OTUD7B: variants seen among roughly 807,000 people sequenced by gnomAD.
OTUD7B encodes OTU domain-containing protein 7B.
Under a neutral mutation model 82.2 loss-of-function variants are expected in OTUD7B, and 34 were observed. That is an observed-to-expected ratio of 0.41 (90% CI 0.31 to 0.55). The LOEUF is 0.55. OTUD7B is among the 20% of genes least tolerant of loss of function. The pLI is 0.20. For synonymous variants in OTUD7B, 398 were observed against 402.7 expected (o/e 0.99, Z 0.14); for missense variants, 944 against 1,062.1 (o/e 0.89, Z 1.55).
the OTUD7B span, among the ~76,000 whole-genome samples, chr1:150,055,608 G>A: frequency 6.6e-5 from 10 of 152,074 alleles, no homozygotes; most frequent in Non-Finnish European, 1.2e-4. Context: ...GCAGCACTGC[G>A]CACAATAGCA....
upstream of OTUD7B, among the ~76,000 whole-genome samples, chr1:150,015,242 G>A (rs1454597479): frequency 1.1e-4 from 16 of 150,000 alleles, no homozygotes; most frequent in African/African-American, 3.7e-4. Context: ...CTATCTGCTT[G>A]CACACCAGTG....
the OTUD7B span, among the ~76,000 whole-genome samples, chr1:150,024,857 G>T: frequency 1.9e-3 from 288 of 151,824 alleles, 2 homozygotes; most frequent in African/African-American, 6.7e-3. Context: ...AGACCAGCCT[G>T]GCCAACATGG....
chr1:149,962,633 T>C (rs1477000809), intron 6 of OTUD7B: 1 of 152,302 alleles, frequency 6.6e-6, no homozygotes, highest in East Asian at 1.9e-4. Flanking sequence ...CTAAATACCA[T>C]TATAATCTAA....
chr1:150,011,603 A>G (rs767930972), upstream of OTUD7B, among the ~76,000 whole-genome samples: 3 of 152,238 alleles, frequency 2.0e-5, no homozygotes, highest in Non-Finnish European at 4.4e-5. Context: ...TGTTGAATGA[A>G]TGAATAAGTA....
the OTUD7B span, among the ~76,000 whole-genome samples, chr1:150,046,511 G>A: frequency 2.1e-5 from 3 of 141,746 alleles, no homozygotes; most frequent in Admixed American, 7.5e-5. Context: ...ACAGTGGGGC[G>A]ATCTCGGCTC....
At chr1:150,001,754 C>T (rs1393295351) in intron 1 of OTUD7B, among the ~76,000 whole-genome samples, 1 of 152,192 alleles carries the variant, frequency 6.6e-6, no homozygotes, top group East Asian at 1.9e-4. Flanking sequence ...AAGTGGACAG[C>T]TTCCAAACCA....
At chr1:149,945,114 G>A (rs782759210) in intron 11 of OTUD7B, 49 bp from the exon 12 acceptor site, 3 of 1,573,042 alleles carry the variant, frequency 1.9e-6, no homozygotes, top group Admixed American at 1.8e-5. Context: ...AGCCTGGGGT[G>A]GGGGAATCCC....
At position 149,950,221 on chromosome 1, in the gene OTUD7B, C is replaced by A; in HGVS notation, c.846G>T (p.Gly282=). ...ATACAGGCTCCTCAGAACTCTCCACCCTGGAACGACGGGAAGGGAGAGAGT... is the reference window on the plus strand; with the variant it reads ...ATACAGGCTCCTCAGAACTCTCCACACTGGAACGACGGGAAGGGAGAGAGT... The part of the protein sequence containing the change: ...HLGTNGANCG[G]VESSEEPVYE... The change falls in exon 8 of 12, where the codon GGG becomes GGT. Residue 282 remains glycine (G), a splice_region_variant and synonymous_variant. Transcript: ENST00000581312. 1 of 1,613,964 alleles carries A rather than the reference C, an allele frequency of 6.2e-7. No homozygotes were observed. Among genetic ancestry groups the A allele is most frequent in the Non-Finnish European group, 8.5e-7 (1 of 1,179,972 alleles).
the OTUD7B span, among the ~76,000 whole-genome samples, chr1:150,039,125 T>C: frequency 6.6e-6 from 1 of 152,200 alleles, no homozygotes; most frequent in African/African-American, 2.4e-5. Context: ...TAATATCTAA[T>C]AGAGCAAGTT....
intron 1 of OTUD7B, among the ~76,000 whole-genome samples, chr1:149,988,887 GAAAAAAAC>G (rs1442676871): frequency 2.0e-5 from 3 of 151,878 alleles, no homozygotes; most frequent in African/African-American, 7.3e-5. Context: ...TCACACAAGA[GAAAAAAAC>G]ACTATAAATC....
the OTUD7B span, among the ~76,000 whole-genome samples, chr1:150,027,024 G>A: frequency 6.6e-6 from 1 of 152,162 alleles, no homozygotes; most frequent in Non-Finnish European, 1.5e-5. Flanking sequence ...CATTAATCAT[G>A]TGATGTGTTC....
chr1:150,019,181 A>T, the OTUD7B span, among the ~76,000 whole-genome samples: 1 of 152,216 alleles, frequency 6.6e-6, no homozygotes, highest in East Asian at 1.9e-4. Context: ...TTCCTTTCTC[A>T]ATTCACGTTG....
upstream of OTUD7B, among the ~76,000 whole-genome samples, chr1:150,014,427 A>G (rs1444946844): frequency 2.7e-5 from 4 of 150,112 alleles, no homozygotes; most frequent in East Asian, 7.8e-4. Flanking sequence ...TATGAGGGGA[A>G]GTTTCATAAT....
At chr1:149,954,935 T>C (rs587721768) in intron 7 of OTUD7B, among the ~76,000 whole-genome samples, 1 of 152,346 alleles carries the variant, frequency 6.6e-6, no homozygotes, top group East Asian at 1.9e-4. Context: ...TTCTCTCTTT[T>C]CTTCTTTATT....
chr1:149,972,856 C>T (rs1029106756), intron 2 of OTUD7B, among the ~76,000 whole-genome samples: 12 of 152,156 alleles, frequency 7.9e-5, no homozygotes, highest in Non-Finnish European at 1.5e-5. Context: ...TCAGGTCTTC[C>T]TAACAATCCA....
chr1:150,034,014 C>T, the OTUD7B span, among the ~76,000 whole-genome samples: 1 of 152,102 alleles, frequency 6.6e-6, no homozygotes, highest in African/African-American at 2.4e-5. Context: ...GCCACCGCAC[C>T]CAGCCTAATA....
At chr1:150,046,085 T>C in the OTUD7B span, among the ~76,000 whole-genome samples, 1 of 152,220 alleles carries the variant, frequency 6.6e-6, no homozygotes, top group East Asian at 1.9e-4. Flanking sequence ...AGCATTCACT[T>C]TTCCTTGATC....
chr1:150,019,606 TCCACCCAC>T, the OTUD7B span, among the ~76,000 whole-genome samples: 1 of 152,246 alleles, frequency 6.6e-6, no homozygotes, highest in South Asian at 2.1e-4. Context: ...AACTCGGTGA[TCCACCCAC>T]CCCACAAGTG....
intron 6 of OTUD7B, chr1:149,960,923 C>CTTTTTTTTTTTTTTT (rs781962716): frequency 2.2e-5 from 2 of 91,598 alleles, no homozygotes; most frequent in Non-Finnish European, 3.8e-5. Flanking sequence ...TGGATACCTT[C>CTTTTTTTTTTTTTTT]TTTTTTTTTT....
Sources: allele counts gnomAD v4.1 joint callset (sites outside exome capture counted in the v4.1 genomes callset), GRCh38; gene constraint gnomAD v4.1.1; transcripts MANE v1.5; gene names NCBI Gene and HGNC (gene_info 2026-07-23, HGNC 2026-07-21).